The following SOCS6 variants were observed in gnomAD, a reference collection of about 807,000 sequenced individuals.
The protein encoded by SOCS6 is suppressor of cytokine signaling 6, also known as STAT induced STAT inhibitor-4.
A neutral mutation model predicts 27.7 loss-of-function variants in SOCS6; 5 were observed. That is an observed-to-expected ratio of 0.18 (90% confidence interval 0.09 to 0.38). The LOEUF (loss-of-function observed/expected upper bound fraction) is 0.38, where lower values mean the gene tolerates loss of function less well. SOCS6 is among the 10% of genes least tolerant of loss of function. The pLI, the probability that SOCS6 is intolerant of heterozygous loss-of-function variation, is 1.00. For missense variants in SOCS6, 595 were observed against 688.1 expected (o/e 0.86, Z 1.51); for synonymous variants, 271 against 260.0 (o/e 1.04, Z -0.41).
intron 1 of SOCS6, among the ~76,000 whole-genome samples, chr18:70,289,545 C>G (rs1394683527): frequency 2.0e-5 from 3 of 147,078 alleles, no homozygotes; most frequent in South Asian, 2.1e-4. Context: ...GGCGCGGGGC[C>G]TGCGCGGCTC....
At chr18:70,308,633 T>A (rs1450847863) in intron 1 of SOCS6, among the ~76,000 whole-genome samples, 1 of 152,232 alleles carries the variant, frequency 6.6e-6, no homozygotes, top group East Asian at 1.9e-4. Flanking sequence ...TCATCTTTAT[T>A]TGTTCCATCA....
intron 1 of SOCS6, among the ~76,000 whole-genome samples, chr18:70,307,607 C>G (rs1208736975): frequency 6.6e-6 from 1 of 152,062 alleles, no homozygotes; most frequent in Non-Finnish European, 1.5e-5. Flanking sequence ...TCCATTTTCT[C>G]TTAAGTTTTC....
chr18:70,321,382 G>A (rs867062349), intron 1 of SOCS6, among the ~76,000 whole-genome samples: 16 of 134,292 alleles, frequency 1.2e-4, no homozygotes, highest in Middle Eastern at 4.2e-3. Context: ...GTGCAGTGGC[G>A]CAATCTTGGC....
At chr18:70,321,766 C>T (rs1052743128) in intron 1 of SOCS6, among the ~76,000 whole-genome samples, 5 of 152,170 alleles carry the variant, frequency 3.3e-5, no homozygotes, top group Admixed American at 2.6e-4. Flanking sequence ...CTGATGTAAG[C>T]AGTAGAATGA....
At chr18:70,299,997 A>G (rs2062341067) in intron 1 of SOCS6, among the ~76,000 whole-genome samples, 1 of 152,316 alleles carries the variant, frequency 6.6e-6, no homozygotes, top group Admixed American at 6.5e-5. Flanking sequence ...TCCCCCATGA[A>G]TACCGAGGGA....
chr18:70,296,918 T>TTC (rs397957238), intron 1 of SOCS6, among the ~76,000 whole-genome samples: 2 of 151,522 alleles, frequency 1.3e-5, no homozygotes, highest in African/African-American at 4.8e-5. Context: ...TTTTTTTTTT[T>TTC]CTGTCTTAAG....
At chr18:70,307,834 T>A (rs2062375659) in intron 1 of SOCS6, among the ~76,000 whole-genome samples, 1 of 152,172 alleles carries the variant, frequency 6.6e-6, no homozygotes, top group Non-Finnish European at 1.5e-5. Flanking sequence ...GTTTTTCTGT[T>A]TTCTATTTTA....
In SOCS6 at chr18:70,327,939, T is replaced by A. The variant is rs943390777; in HGVS notation, c.*1663T>A. The A allele has an allele frequency of 7.2e-5, 12 of 167,000 alleles. No homozygotes were observed. Among genetic ancestry groups the A allele is most frequent in the Non-Finnish European group, 1.5e-4 (10 of 68,104 alleles). The allele number at this position is 167,000 out of a possible 1,614,324, so 10.3% of individuals were successfully genotyped here. Reference sequence around the variant, plus strand: ...GCTTTTTAGGGTCAGAACTGAGATATTACCAAGAAAAGGCACAATGCCATA... The same window carrying A: ...GCTTTTTAGGGTCAGAACTGAGATAATACCAAGAAAAGGCACAATGCCATA... On this transcript the variant is annotated 3_prime_UTR_variant, in exon 2 of 2. Coordinates refer to ENST00000397942, the MANE Select transcript of SOCS6 (RefSeq NM_004232.4).
Position 70,328,145 on chromosome 18 carries a change from A to G in SOCS6, c.*1869A>G, listed in dbSNP as rs1287329943. The G allele has an allele frequency of 1.8e-5, 3 of 166,556 alleles. No homozygotes were observed. Among genetic ancestry groups the G allele is most frequent in the Non-Finnish European group, 4.4e-5 (3 of 68,116 alleles). The allele number at this position is 166,556 out of a possible 1,614,324, so 10.3% of individuals were successfully genotyped here. ...TTATAAGCTATTTGGATTAAGAACT[A>G]TTGCAGAGTTGTAAGCTTGTTATCA... On this transcript the variant is annotated 3_prime_UTR_variant, in exon 2 of 2. Coordinates refer to ENST00000397942, the MANE Select transcript of SOCS6 (RefSeq NM_004232.4).
chr18:70,295,807 C>T (rs1038062480), intron 1 of SOCS6, among the ~76,000 whole-genome samples: 2 of 152,158 alleles, frequency 1.3e-5, no homozygotes, highest in Admixed American at 6.5e-5. Context: ...TGGGTCTAAG[C>T]AGGGTGTCAT....
chr18:70,307,000 C>T (rs1220601177), intron 1 of SOCS6, among the ~76,000 whole-genome samples: 3 of 152,186 alleles, frequency 2.0e-5, no homozygotes, highest in Non-Finnish European at 2.9e-5. Context: ...TGGTGGCTTA[C>T]GCCTGTAATC....
intron 1 of SOCS6, among the ~76,000 whole-genome samples, chr18:70,308,477 C>T (rs1326556377): frequency 1.3e-5 from 2 of 152,106 alleles, no homozygotes; most frequent in Admixed American, 6.5e-5. Context: ...CTGCCTTTTC[C>T]TCCCAAAATT....
chr18:70,317,578 C>CACAT (rs2062418243), intron 1 of SOCS6, among the ~76,000 whole-genome samples: 1 of 146,980 alleles, frequency 6.8e-6, no homozygotes, highest in Non-Finnish European at 1.5e-5. Context: ...CACACACACA[C>CACAT]ACACCACATT....
At position 70,329,280 on chromosome 18, in the gene SOCS6, G is replaced by A. The variant is rs1384653836; in HGVS notation, c.*3004G>A. On this transcript the variant is annotated 3_prime_UTR_variant, in exon 2 of 2. Transcript: ENST00000397942. ...CATAGACCTAAAAATAGTTTTTAAGGAAACCAGCTACACGGGGCAACCAAC... is the reference window on the plus strand; with the variant it reads ...CATAGACCTAAAAATAGTTTTTAAGAAAACCAGCTACACGGGGCAACCAAC... 1.2e-5 allele frequency: 2 copies of A among 167,010 alleles called. No homozygotes were observed. The highest frequency in any genetic ancestry group is 4.8e-5 in the African/African-American group (2 of 41,440). The allele number at this position is 167,010 out of a possible 1,614,324, so 10.3% of individuals were successfully genotyped here.
rs374483827 is a variant in SOCS6 at position 70,325,754 on chromosome 18, A to G, written c.1086A>G (p.Gln362=). ...TTGCAAGAGTTTATGACTCAGTGCAAAGTAGTGGTCCCATGGTTGTGACAA... is the reference window on the plus strand; with the variant it reads ...TTGCAAGAGTTTATGACTCAGTGCAGAGTAGTGGTCCCATGGTTGTGACAA... ...PGVARVYDSV[Q]SSGPMVVTSL... The change falls in exon 2 of 2, where the codon CAA becomes CAG. Residue 362 remains glutamine, a synonymous_variant. Transcript: ENST00000397942. The surrounding 1 kb of genome is among the most constrained non-coding windows in gnomAD (Gnocchi z 6.3). The G allele has an allele frequency of 6.2e-7, 1 of 1,614,196 alleles. No individual in the cohort carries two copies. The highest frequency in any genetic ancestry group is 8.5e-7 in the Non-Finnish European group (1 of 1,180,030).
At chr18:70,303,087 A>G (rs910202461) in intron 1 of SOCS6, among the ~76,000 whole-genome samples, 8 of 152,218 alleles carry the variant, frequency 5.3e-5, no homozygotes, top group African/African-American at 9.6e-5. Context: ...TAATGTTTAC[A>G]AAAGTTCTGC....
chr18:70,306,477 C>CAAAAAAAA (rs55702216), intron 1 of SOCS6, among the ~76,000 whole-genome samples: 9 of 92,682 alleles, frequency 9.7e-5, no homozygotes, highest in Non-Finnish European at 1.2e-4. Flanking sequence ...GACTCCATCT[C>CAAAAAAAA]AAAAAAAAAA....
intron 1 of SOCS6, among the ~76,000 whole-genome samples, chr18:70,316,070 G>C (rs2146286687): frequency 6.6e-6 from 1 of 151,964 alleles, no homozygotes; most frequent in East Asian, 1.9e-4. Context: ...GGCTGGTCTT[G>C]AGCTCCTAAC....
intron 1 of SOCS6, chr18:70,296,801 G>A (rs1463655800): frequency 6.6e-6 from 1 of 152,046 alleles, no homozygotes; most frequent in Non-Finnish European, 1.5e-5. Context: ...GATGTGCTGA[G>A]CATTCCACAG....
Sources: allele counts gnomAD v4.1 joint callset (sites outside exome capture counted in the v4.1 genomes callset), GRCh38; gene constraint gnomAD v4.1.1; non-coding constraint Gnocchi (gnomAD v3.1); transcripts MANE v1.5; gene names NCBI Gene and HGNC (gene_info 2026-07-23, HGNC 2026-07-21).